FMN1: variants seen among roughly 807,000 people sequenced by gnomAD.
FMN1 encodes the protein formin-1.
In FMN1, 110 loss-of-function variants were observed where a neutral mutation model predicts 132.4. The observed-to-expected ratio is 0.83, with a 90% CI of 0.71 to 0.97. The LOEUF (loss-of-function observed/expected upper bound fraction) is 0.97. FMN1 is among the 50% of genes least tolerant of loss of function. The pLI is 0.00. For synonymous variants in FMN1, 722 were observed against 651.7 expected, an observed-to-expected ratio of 1.11 and a Z score of -1.64; for missense variants, 1,792 against 1,705.3, an observed-to-expected ratio of 1.05 and a Z score of -0.90.
intron 17 of FMN1, among the ~76,000 whole-genome samples, chr15:32,826,005 C>T (rs1189027039): frequency 6.6e-6 from 1 of 152,190 alleles, no homozygotes; most frequent in African/African-American, 2.4e-5. Context: ...ACAACAATGA[C>T]ACTGGTAGTA....
intron 6 of FMN1, among the ~76,000 whole-genome samples, chr15:33,026,319 T>C (rs574386938): frequency 6.6e-6 from 1 of 151,358 alleles, no homozygotes; most frequent in Admixed American, 6.6e-5. Context: ...GTATAGATGG[T>C]TAATATATAA....
At chr15:32,900,889 C>T (rs1486247542) in intron 13 of FMN1, among the ~76,000 whole-genome samples, 1 of 152,244 alleles carries the variant, frequency 6.6e-6, no homozygotes, top group African/African-American at 2.4e-5. Context: ...CACGGTGGCT[C>T]ACGCCTGTAA....
chr15:33,067,322 CT>C (rs1566885304), intron 5 of FMN1: 1 of 1,613,984 alleles, frequency 6.2e-7, no homozygotes, highest in Non-Finnish European at 8.5e-7. Flanking sequence ...AGTATTTTCC[CT>C]GAAACCTCCT....
chr15:33,101,185 A>G (rs895985027), intron 4 of FMN1, among the ~76,000 whole-genome samples: 1 of 152,184 alleles, frequency 6.6e-6, no homozygotes, highest in Non-Finnish European at 1.5e-5. Flanking sequence ...AGACACTGAA[A>G]ATCATCTGTA....
intron 4 of FMN1, among the ~76,000 whole-genome samples, chr15:33,114,051 G>T (rs947128010): frequency 1.3e-5 from 2 of 152,200 alleles, no homozygotes; most frequent in African/African-American, 4.8e-5. Context: ...CTTGTAAGCT[G>T]GTTTCCTACC....
intron 5 of FMN1, among the ~76,000 whole-genome samples, chr15:33,088,449 T>C (rs139200906): frequency 1.3e-5 from 2 of 152,192 alleles, no homozygotes; most frequent in Non-Finnish European, 1.5e-5. Flanking sequence ...TGGCTTTACA[T>C]ATGTTATTGA....
At chr15:33,136,395 C>T (rs1963766837) in intron 4 of FMN1, among the ~76,000 whole-genome samples, 2 of 152,258 alleles carry the variant, frequency 1.3e-5, no homozygotes, top group South Asian at 2.1e-4. Flanking sequence ...CCCACGTAGA[C>T]AAGAAAGACG....
intron 3 of FMN1, among the ~76,000 whole-genome samples, chr15:33,169,556 T>C (rs1965234309): frequency 6.6e-6 from 1 of 152,084 alleles, no homozygotes; most frequent in Admixed American, 6.6e-5. Flanking sequence ...AGGGAATTTC[T>C]GGGAATTAAA....
chr15:33,017,393 G>GT (rs1219503777), intron 6 of FMN1, among the ~76,000 whole-genome samples: 14 of 146,166 alleles, frequency 9.6e-5, no homozygotes, highest in African/African-American at 2.8e-4. Context: ...GGAAAGTGTG[G>GT]TATGTGGGCG....
chr15:33,123,958 T>G (rs1962808754), intron 4 of FMN1, among the ~76,000 whole-genome samples: 1 of 152,212 alleles, frequency 6.6e-6, no homozygotes, highest in South Asian at 2.1e-4. Flanking sequence ...CATTACAACT[T>G]CACAATTAGA....
At chr15:33,128,255 G>A (rs1176060681) in intron 4 of FMN1, among the ~76,000 whole-genome samples, 1 of 144,316 alleles carries the variant, frequency 6.9e-6, no homozygotes, top group Non-Finnish European at 1.5e-5. Flanking sequence ...AACACCCTCA[G>A]AGAGCAATAA....
At chr15:32,880,507 G>A (rs580115) in intron 16 of FMN1, among the ~76,000 whole-genome samples, 43,681 of 151,916 alleles carry the variant, frequency 0.29, 6,888 homozygotes, top group African/African-American at 0.42. Flanking sequence ...CTTTTTCTCT[G>A]TGCTGGAGGC....
intron 2 of FMN1, among the ~76,000 whole-genome samples, chr15:33,186,204 G>A (rs1340831014): frequency 6.6e-6 from 1 of 151,212 alleles, no homozygotes; most frequent in Non-Finnish European, 1.5e-5. Flanking sequence ...CCTTTTCTAA[G>A]TCAAAATCTA....
chr15:32,963,991 G>A, intron 9 of FMN1, 116 bp downstream of exon 9: 1 of 519,370 alleles, frequency 1.9e-6, no homozygotes, highest in Non-Finnish European at 3.2e-6. Flanking sequence ...TATATGTATA[G>A]GTATGTGTGT....
intron 18 of FMN1, among the ~76,000 whole-genome samples, chr15:32,802,839 G>C (rs567209825): frequency 1.3e-5 from 2 of 152,284 alleles, no homozygotes; most frequent in South Asian, 4.1e-4. Context: ...GTGAAGGGAA[G>C]CTTAACATAG....
chr15:33,148,930 T>C (rs915525716), intron 4 of FMN1, among the ~76,000 whole-genome samples: 9 of 149,802 alleles, frequency 6.0e-5, no homozygotes, highest in African/African-American at 1.3e-4. Context: ...GGGGAAAACA[T>C]AGAAAAGTGT....
chr15:32,824,063 G>C (rs1284251212), intron 17 of FMN1, among the ~76,000 whole-genome samples: 3 of 152,246 alleles, frequency 2.0e-5, no homozygotes, highest in Non-Finnish European at 2.9e-5. Context: ...ACACACAGTT[G>C]AAACATGGAC....
chr15:32,787,741 T>C (rs532687498), intron 19 of FMN1, among the ~76,000 whole-genome samples: 1 of 152,156 alleles, frequency 6.6e-6, no homozygotes, highest in African/African-American at 2.4e-5. Context: ...TAGTCCTAAC[T>C]AGTCAGGAGG....
chr15:32,804,518 T>C (rs1389284910), intron 17 of FMN1, among the ~76,000 whole-genome samples, 186 bp from the exon 18 acceptor site: 1 of 151,452 alleles, frequency 6.6e-6, no homozygotes, highest in Admixed American at 6.6e-5. Flanking sequence ...CACTGCTTTT[T>C]TTTTTTTTAA....
Sources: allele counts gnomAD v4.1 joint callset (sites outside exome capture counted in the v4.1 genomes callset), GRCh38; gene constraint gnomAD v4.1.1; transcripts MANE v1.5; gene names NCBI Gene and HGNC (gene_info 2026-07-23, HGNC 2026-07-21).